The following MLLT3 variants were observed in gnomAD, a reference collection of about 807,000 sequenced individuals.
The protein encoded by MLLT3 is protein AF-9.
Under a neutral mutation model 53.2 loss-of-function variants are expected in MLLT3, and 4 were observed. The observed-to-expected ratio is 0.08, with a 90% CI of 0.04 to 0.17. The LOEUF (loss-of-function observed/expected upper bound fraction) is 0.17. Ranked by LOEUF, MLLT3 falls within the 10% of genes least tolerant of loss-of-function variation. The pLI is 1.00. For synonymous variants in MLLT3, 283 were observed against 230.6 expected (o/e 1.23, Z -2.06); for missense variants, 569 against 684.0 (o/e 0.83, Z 1.87).
At chr9:20,457,050 A>T (rs1307555879) in intron 2 of MLLT3, among the ~76,000 whole-genome samples, 2 of 152,090 alleles carry the variant, frequency 1.3e-5, no homozygotes, top group Admixed American at 1.3e-4. Context: ...CATGATTATT[A>T]ATGAGTGAAC....
intron 10 of MLLT3, among the ~76,000 whole-genome samples, 172 bp from the exon 11 acceptor site, chr9:20,346,746 T>C (rs1417992984): frequency 6.6e-6 from 1 of 152,166 alleles, no homozygotes; most frequent in Non-Finnish European, 1.5e-5. Context: ...ACTTGATAAG[T>C]CAAAGGTATA....
chr9:20,549,829 G>A (rs1818883452), intron 2 of MLLT3, among the ~76,000 whole-genome samples: 1 of 152,184 alleles, frequency 6.6e-6, no homozygotes, highest in African/African-American at 2.4e-5. Flanking sequence ...TTTGCGCAGT[G>A]ATCCATTCAC....
intron 2 of MLLT3, among the ~76,000 whole-genome samples, chr9:20,590,333 TATGGGTTGC>T (rs1820096642): frequency 6.6e-6 from 1 of 152,202 alleles, no homozygotes; most frequent in African/African-American, 2.4e-5. Context: ...TTACTGCTGA[TATGGGTTGC>T]ATGTGTCCCC....
Position 20,620,688 on chromosome 9 carries a change from G to C in MLLT3, c.159C>G (p.Phe53Leu). The change falls in exon 2 of 11, where the codon TTC (phenylalanine) becomes TTG (leucine). Residue 53 changes from phenylalanine to leucine, a missense_variant. Phe to Leu is a conservative substitution (Grantham distance 22, BLOSUM62 0). Coordinates refer to ENST00000380338, the MANE Select transcript of MLLT3 (RefSeq NM_004529.4). The surrounding 1 kb of genome is among the most constrained non-coding windows in gnomAD (Gnocchi z 6.1). Reference sequence around the variant, plus strand: ...GCCTAGGAAAGCTTTCGTGCAAGTGGAAGACGACTTTCTCCACAAAGTGCT... The same window carrying C: ...GCCTAGGAAAGCTTTCGTGCAAGTGCAAGACGACTTTCTCCACAAAGTGCT... ...NIQHFVEKVV[F>L]HLHESFPRPK... The C allele has an allele frequency of 6.2e-7, 1 of 1,614,078 alleles. No individual in the cohort carries two copies. The highest frequency in any genetic ancestry group is 8.5e-7 in the Non-Finnish European group (1 of 1,180,014).
chr9:20,348,304 C>T (rs960060214), intron 10 of MLLT3, among the ~76,000 whole-genome samples: 1 of 152,184 alleles, frequency 6.6e-6, no homozygotes, highest in Admixed American at 6.5e-5. Context: ...GACCTACTTG[C>T]AGCACTTGTC....
intron 2 of MLLT3, among the ~76,000 whole-genome samples, chr9:20,539,986 A>C (rs1368322683): frequency 2.6e-5 from 4 of 152,234 alleles, no homozygotes; most frequent in Non-Finnish European, 5.9e-5. Context: ...AAAAGGGAAA[A>C]AGTGCCCAAA....
chr9:20,574,893 G>C (rs142090087), intron 2 of MLLT3, among the ~76,000 whole-genome samples: 1 of 152,156 alleles, frequency 6.6e-6, no homozygotes, highest in Non-Finnish European at 1.5e-5. Flanking sequence ...AAACCCTGCC[G>C]TCACTTGATC....
chr9:20,371,338 T>C (rs551594582), intron 5 of MLLT3, among the ~76,000 whole-genome samples: 2 of 152,372 alleles, frequency 1.3e-5, no homozygotes, highest in African/African-American at 4.8e-5. Flanking sequence ...GAAACAGCCT[T>C]CTACTGGAAC....
At chr9:20,581,526 AT>A (rs1206045737) in intron 2 of MLLT3, among the ~76,000 whole-genome samples, 1 of 151,888 alleles carries the variant, frequency 6.6e-6, no homozygotes, top group Non-Finnish European at 1.5e-5. Flanking sequence ...TTCACTTGGA[AT>A]TTTTTTTCCC....
At chr9:20,391,760 T>C (rs1418324908) in intron 5 of MLLT3, among the ~76,000 whole-genome samples, 2 of 152,198 alleles carry the variant, frequency 1.3e-5, no homozygotes, top group Non-Finnish European at 2.9e-5. Flanking sequence ...CACAATTCTT[T>C]GTCACTATCA....
intron 2 of MLLT3, among the ~76,000 whole-genome samples, chr9:20,618,132 G>C (rs561465394): frequency 2.0e-5 from 3 of 152,130 alleles, no homozygotes; most frequent in African/African-American, 7.2e-5. Context: ...TATAGAATAT[G>C]AGCATTTCTT....
intron 5 of MLLT3, among the ~76,000 whole-genome samples, chr9:20,398,082 T>C (rs1384400256): frequency 1.3e-5 from 2 of 152,114 alleles, no homozygotes; most frequent in African/African-American, 4.8e-5. Context: ...TTCTTCTGCA[T>C]ATACAATGAA....
chr9:20,467,634 A>G (rs1460868984), intron 2 of MLLT3, among the ~76,000 whole-genome samples: 6 of 152,216 alleles, frequency 3.9e-5, no homozygotes, highest in Non-Finnish European at 7.4e-5. Flanking sequence ...AATCTTATTT[A>G]GGAGTAATAA....
At chr9:20,449,391 C>T (rs747962776) in intron 3 of MLLT3, among the ~76,000 whole-genome samples, 5 of 152,082 alleles carry the variant, frequency 3.3e-5, no homozygotes, top group African/African-American at 9.7e-5. Flanking sequence ...TTAGAATTTC[C>T]GATACCCAGG....
At chr9:20,416,802 T>C (rs1332686222) in intron 4 of MLLT3, among the ~76,000 whole-genome samples, 1 of 152,066 alleles carries the variant, frequency 6.6e-6, no homozygotes, top group Non-Finnish European at 1.5e-5. Flanking sequence ...ACACATTCCA[T>C]AACAATGTCT....
At chr9:20,411,227 C>T (rs1822720469) in intron 5 of MLLT3, 1 of 152,860 alleles carries the variant, frequency 6.5e-6, no homozygotes, top group Non-Finnish European at 1.5e-5. Flanking sequence ...TTACAAGTGT[C>T]CCCTGTTCCT....
Position 20,341,878 on chromosome 9 carries a change from T to A in MLLT3, c.*4565A>T. The A allele has an allele frequency of 1.5e-5, 3 of 204,404 alleles. No homozygotes were observed. The highest frequency in any genetic ancestry group is 3.0e-5 in the Non-Finnish European group (3 of 99,848). 12.7% of individuals were successfully genotyped at this position (204,404 alleles called of 1,614,324 possible). A position where few individuals can be genotyped will look rare whatever the true frequency, so the allele number is the denominator to read the frequency against. Reference sequence around the variant, plus strand: ...TACCGGGCACACATAGCCCAGTTTATGCCAAAAAATGTATCCCACCACTTC... The same window carrying A: ...TACCGGGCACACATAGCCCAGTTTAAGCCAAAAAATGTATCCCACCACTTC... On this transcript the variant is annotated 3_prime_UTR_variant, in exon 11 of 11. Coordinates refer to ENST00000380338, the MANE Select transcript of MLLT3 (RefSeq NM_004529.4).
chr9:20,548,180 A>G lies in MLLT3; in HGVS notation c.193+72474T>C, dbSNP rs1336826538. On this transcript the variant is annotated intron_variant, in intron 2 of 10. Coordinates refer to ENST00000380338, the MANE Select transcript of MLLT3 (RefSeq NM_004529.4). The stretch of plus-strand genomic sequence containing the variant: ...AAAATTAAATGAAATTTAGAATTCA[A>G]TTCTCTAATCTAACCACATTTCAAG... 3.3e-5 allele frequency among the ~76,000 whole-genome samples: 5 copies of G among 152,236 alleles called. No homozygotes were observed. In the East Asian group the frequency reaches 5.8e-4, roughly 18 times the overall value.
At chr9:20,433,386 GATAAA>G (rs1823325379) in intron 4 of MLLT3, among the ~76,000 whole-genome samples, 1 of 152,168 alleles carries the variant, frequency 6.6e-6, no homozygotes, top group South Asian at 2.1e-4. Context: ...AGTCCATGAT[GATAAA>G]ATAAACATAA....
Sources: gnomAD v4.1 joint callset for allele counts (sites outside exome capture counted in the v4.1 genomes callset) on GRCh38, gnomAD v4.1.1 for gene constraint, Gnocchi (gnomAD v3.1) non-coding constraint, MANE v1.5 for transcripts, NCBI Gene and HGNC (gene_info 2026-07-23, HGNC 2026-07-21) for gene names.